PEX5L: variants seen among roughly 807,000 people sequenced by gnomAD.
The protein encoded by PEX5L is PEX5-related protein.
A neutral mutation model predicts 84.0 loss-of-function variants in PEX5L; 30 were observed. The observed-to-expected ratio is 0.36, with a 90% CI of 0.27 to 0.48. The LOEUF (loss-of-function observed/expected upper bound fraction) is 0.48. Ranked by LOEUF, PEX5L falls within the 20% of genes least tolerant of loss-of-function variation. The pLI is 0.99. For missense variants in PEX5L, 533 were observed against 754.6 expected (o/e 0.71, Z 3.44); for synonymous variants, 270 against 283.1 (o/e 0.95, Z 0.46).
At chr3:179,809,073 CAAAAAAAAAAA>C (rs10684376) in intron 12 of PEX5L, among the ~76,000 whole-genome samples, 14 of 47,772 alleles carry the variant, frequency 2.9e-4, no homozygotes, top group South Asian at 1.4e-3. Context: ...GATTCCGCCT[CAAAAAAAAAAA>C]AAAAAAAAAA....
At chr3:179,844,646 G>C (rs1738595535) in intron 8 of PEX5L, among the ~76,000 whole-genome samples, 1 of 152,116 alleles carries the variant, frequency 6.6e-6, no homozygotes, top group Non-Finnish European at 1.5e-5. Flanking sequence ...GGCTAACACG[G>C]TGAAACCCTG....
At chr3:179,943,673 G>A (rs182843720) in intron 2 of PEX5L, among the ~76,000 whole-genome samples, 17 of 152,292 alleles carry the variant, frequency 1.1e-4, no homozygotes, top group African/African-American at 2.9e-4. Context: ...CAGCAGAGGC[G>A]GTGAGCACTA....
At chr3:179,928,768 T>C (rs1382987364) in intron 2 of PEX5L, among the ~76,000 whole-genome samples, 2 of 152,252 alleles carry the variant, frequency 1.3e-5, no homozygotes, top group African/African-American at 4.8e-5. Flanking sequence ...AGTTGGCTTA[T>C]ACTCATTCCA....
At chr3:179,954,009 A>G (rs1779808111) in intron 2 of PEX5L, among the ~76,000 whole-genome samples, 4 of 152,212 alleles carry the variant, frequency 2.6e-5, no homozygotes, top group African/African-American at 9.6e-5. Context: ...TAGAAAGATT[A>G]TAATTTTAAC....
intron 1 of PEX5L, among the ~76,000 whole-genome samples, chr3:180,008,408 C>T (rs981184421): frequency 4.6e-5 from 7 of 152,202 alleles, no homozygotes; most frequent in African/African-American, 1.2e-4. Flanking sequence ...CCCAAATTTT[C>T]CCACATTTTC....
intron 6 of PEX5L, 75 bp downstream of exon 6, chr3:179,875,279 A>C: frequency 7.1e-7 from 1 of 1,417,818 alleles, no homozygotes. Context: ...GGATTGACTT[A>C]ACTCTTTGGC....
At chr3:179,936,382 T>C (rs949871188) in intron 2 of PEX5L, among the ~76,000 whole-genome samples, 2 of 152,228 alleles carry the variant, frequency 1.3e-5, no homozygotes, top group African/African-American at 2.4e-5. Context: ...TTTCTACATA[T>C]GTAAGAGAAA....
intron 2 of PEX5L, among the ~76,000 whole-genome samples, chr3:179,956,762 G>A (rs762639034): frequency 1.3e-5 from 2 of 152,096 alleles, no homozygotes; most frequent in African/African-American, 2.4e-5. Context: ...ACGGAGCGAC[G>A]CAACATGCAC....
chr3:179,984,260 GA>G (rs1786596543), intron 1 of PEX5L, among the ~76,000 whole-genome samples: 1 of 152,010 alleles, frequency 6.6e-6, no homozygotes, highest in Non-Finnish European at 1.5e-5. Context: ...ATTAAATGCA[GA>G]AGCAGATATG....
chr3:180,031,962 C>T (rs1791505227), intron 1 of PEX5L, among the ~76,000 whole-genome samples: 1 of 151,908 alleles, frequency 6.6e-6, no homozygotes, highest in Non-Finnish European at 1.5e-5. Context: ...ATTTATAAAC[C>T]ACAAATAAAA....
At chr3:179,897,290 T>A (rs974911144) in intron 3 of PEX5L, among the ~76,000 whole-genome samples, 1 of 152,122 alleles carries the variant, frequency 6.6e-6, no homozygotes, top group Non-Finnish European at 1.5e-5. Context: ...AATGAAATGT[T>A]TAAAATAATC....
chr3:179,965,579 T>A (rs1783132250), intron 2 of PEX5L, among the ~76,000 whole-genome samples: 1 of 152,178 alleles, frequency 6.6e-6, no homozygotes, highest in Non-Finnish European at 1.5e-5. Context: ...CTCTCTGTAT[T>A]TTCTGGCTTT....
At chr3:180,027,663 A>G (rs1479079675) in intron 1 of PEX5L, among the ~76,000 whole-genome samples, 1 of 152,194 alleles carries the variant, frequency 6.6e-6, no homozygotes, top group Non-Finnish European at 1.5e-5. Context: ...AATAATACTG[A>G]TCAAAAGTCC....
In PEX5L at chr3:179,874,363, C is replaced by A. The variant is rs1239605937; in HGVS notation, c.690G>T (p.Glu230Asp). 2 of 1,612,760 alleles carry A rather than the reference C, an allele frequency of 1.2e-6. No individual in the cohort carries two copies. The highest frequency in any genetic ancestry group is 1.3e-5 in the African/African-American group (1 of 74,874). Residue 230 changes from glutamate (E) to aspartate (D), a missense_variant, in exon 7 of 15, where the codon GAG becomes GAT. Around this residue, in one of 8 missense-constraint regions of PEX5L, gnomAD observed 259 missense variants for 301.7 expected, o/e 0.86. Coordinates refer to ENST00000467460, the MANE Select transcript of PEX5L (RefSeq NM_016559.3). Reference sequence around the variant, plus strand: ...CCACTAATTCCAATTCTGAAGCCGACTCAGAGTTGAGGGCGCTTTTTCCAC... The same window carrying A: ...CCACTAATTCCAATTCTGAAGCCGAATCAGAGTTGAGGGCGCTTTTTCCAC... ...LSGGKSALNS[E>D]SASELELVAP...
At chr3:179,814,734 T>C (rs1246739476) in intron 10 of PEX5L, among the ~76,000 whole-genome samples, 1 of 152,180 alleles carries the variant, frequency 6.6e-6, no homozygotes, top group Non-Finnish European at 1.5e-5. Flanking sequence ...ACTCTTCTCA[T>C]CTCGGAGAAA....
intron 2 of PEX5L, among the ~76,000 whole-genome samples, chr3:179,951,027 T>G (rs999905321): frequency 3.9e-5 from 6 of 152,204 alleles, no homozygotes; most frequent in African/African-American, 1.4e-4. Context: ...ATATGCATAG[T>G]CTGTTCTCTT....
Position 179,797,603 on chromosome 3 carries a change from AAAATATATATAT to A in PEX5L, c.*4213_*4224del, listed in dbSNP as rs1361668520. ...TGAACACTCTTTAAAAAAAAAAAAA[AAAATATATATAT>A]ATATATATATATATATCTACTTCTT... On this transcript the variant is annotated 3_prime_UTR_variant, in exon 15 of 15. Coordinates refer to ENST00000467460, the MANE Select transcript of PEX5L (RefSeq NM_016559.3). 66 of 109,880 alleles carry A rather than the reference AAAATATATATAT, an allele frequency of 6.0e-4. No individual in the cohort carries two copies. The highest frequency in any genetic ancestry group is 2.2e-3 in the African/African-American group (63 of 28,446). The allele number at this position is 109,880 out of a possible 1,614,324, so 6.8% of individuals were successfully genotyped here.
intron 8 of PEX5L, among the ~76,000 whole-genome samples, chr3:179,822,439 A>G (rs1728857358): frequency 6.6e-6 from 1 of 152,206 alleles, no homozygotes; most frequent in Non-Finnish European, 1.5e-5. Context: ...TTAATGAGAT[A>G]CACCAGAACT....
intron 2 of PEX5L, among the ~76,000 whole-genome samples, chr3:179,908,559 G>A (rs1416424123): frequency 6.6e-6 from 1 of 152,030 alleles, no homozygotes; most frequent in African/African-American, 2.4e-5. Flanking sequence ...ATGTTGGTGT[G>A]CTGCACCCCT....
Sources: gnomAD v4.1 joint callset for allele counts (sites outside exome capture counted in the v4.1 genomes callset) on GRCh38, gnomAD v4.1.1 for gene constraint, gnomAD v4.1.1 regional missense constraint, MANE v1.5 for transcripts, NCBI Gene and HGNC (gene_info 2026-07-23, HGNC 2026-07-21) for gene names.